Variants in ARAP2 observed in about 807,000 individuals in gnomAD.
The protein encoded by ARAP2 is arf-GAP with Rho-GAP domain, ANK repeat and PH domain-containing protein 2.
A neutral mutation model predicts 194.5 loss-of-function variants in ARAP2; 148 were observed. That is an observed-to-expected ratio of 0.76 (90% CI 0.67 to 0.87). ARAP2 has a LOEUF of 0.87. Among genes scored for constraint, ARAP2 ranks in the 40% least tolerant of loss-of-function variants. ARAP2 has a pLI of 0.00. For synonymous variants in ARAP2, 695 were observed against 683.5 expected, an observed-to-expected ratio of 1.02 and a Z score of -0.26; for missense variants, 2,128 against 1,989.7, an observed-to-expected ratio of 1.07 and a Z score of -1.32.
At chr4:36,201,581 T>C (rs974312690) in intron 6 of ARAP2, among the ~76,000 whole-genome samples, 2 of 152,202 alleles carry the variant, frequency 1.3e-5, no homozygotes, top group African/African-American at 2.4e-5. Flanking sequence ...CTATAAACTC[T>C]TCCCTTGAGC....
intron 27 of ARAP2, 76 bp from the exon 28 acceptor site, chr4:36,092,096 AT>A: frequency 3.6e-6 from 5 of 1,404,030 alleles, no homozygotes; most frequent in Non-Finnish European, 4.7e-6. Flanking sequence ...ACATTTCTAT[AT>A]TGTCATATAG....
At chr4:36,232,447 A>G (rs761141954) in intron 1 of ARAP2, among the ~76,000 whole-genome samples, 28 of 152,234 alleles carry the variant, frequency 1.8e-4, no homozygotes, top group Non-Finnish European at 3.4e-4. Flanking sequence ...AGCAGGTGCT[A>G]TTGATGTAAA....
At chr4:36,242,774 G>GA (rs1753765143) in intron 1 of ARAP2, among the ~76,000 whole-genome samples, 1 of 152,074 alleles carries the variant, frequency 6.6e-6, no homozygotes. Context: ...ACAGACGAAG[G>GA]AAAAAATACA....
rs1305965795 is a variant in ARAP2, at chr4:36,091,877, A to G, written c.4425+4T>C. The G allele has an allele frequency of 2.5e-6, 4 of 1,593,126 alleles. No individual in the cohort carries two copies. In the South Asian group the frequency reaches 4.5e-5, roughly 18 times the overall value. On this transcript the variant is annotated splice_donor_region_variant and intron_variant, in intron 28 of 32. Coordinates refer to ENST00000303965, the MANE Select transcript of ARAP2 (RefSeq NM_015230.4). ...AAAAATGTACGCATGTTCAAATACTATACCTTCACATCCTTGTAAAGAAAG... is the reference window on the plus strand; with the variant it reads ...AAAAATGTACGCATGTTCAAATACTGTACCTTCACATCCTTGTAAAGAAAG...
chr4:36,179,433 G>A (rs12501137), intron 8 of ARAP2, among the ~76,000 whole-genome samples: 4,963 of 152,288 alleles, frequency 0.033, 205 homozygotes, highest in East Asian at 0.12. Flanking sequence ...TTTCAGTGCC[G>A]TGGCATGCGC....
At chr4:36,099,748 A>G (rs982117746) in intron 27 of ARAP2, among the ~76,000 whole-genome samples, 1 of 152,136 alleles carries the variant, frequency 6.6e-6, no homozygotes, top group African/African-American at 2.4e-5. Context: ...GCTAGATCGC[A>G]GACAGTAATC....
chr4:36,116,778 C>T (rs750548614), intron 25 of ARAP2, among the ~76,000 whole-genome samples: 10 of 151,606 alleles, frequency 6.6e-5, no homozygotes, highest in African/African-American at 1.5e-4. Flanking sequence ...ACTTGTCTAA[C>T]GTTAGGAAGC....
chr4:36,084,502 C>A (rs754842812), intron 28 of ARAP2, among the ~76,000 whole-genome samples: 2 of 151,744 alleles, frequency 1.3e-5, no homozygotes, highest in Non-Finnish European at 2.9e-5. Context: ...AAAACAGACT[C>A]GTGAATATAT....
At chr4:36,193,747 T>C (rs1260874629) in intron 6 of ARAP2, 100 bp from the exon 7 acceptor site, 1 of 903,150 alleles carries the variant, frequency 1.1e-6, no homozygotes, top group Non-Finnish European at 1.6e-6. Context: ...TATTATTTAA[T>C]GTTAAACACC....
chr4:36,031,147 G>A (rs569671911), intron 5 of ARAP2, among the ~76,000 whole-genome samples: 41 of 152,072 alleles, frequency 2.7e-4, no homozygotes, highest in African/African-American at 9.6e-4. Flanking sequence ...ATAAATTTCT[G>A]ATTCATGGTG....
chr4:36,116,189 T>C (rs941746440), intron 25 of ARAP2, among the ~76,000 whole-genome samples: 1 of 151,986 alleles, frequency 6.6e-6, no homozygotes, highest in Non-Finnish European at 1.5e-5. Context: ...TACTAAGTAA[T>C]GTACTTAATG....
chr4:36,241,751 A>G (rs1024997903), intron 1 of ARAP2, among the ~76,000 whole-genome samples: 3 of 152,202 alleles, frequency 2.0e-5, no homozygotes, highest in Non-Finnish European at 4.4e-5. Context: ...GAAAAATCCA[A>G]TTTTATGACC....
At chr4:36,202,937 C>T (rs2109235423) in intron 6 of ARAP2, among the ~76,000 whole-genome samples, 1 of 152,272 alleles carries the variant, frequency 6.6e-6, no homozygotes, top group Middle Eastern at 3.4e-3. Flanking sequence ...GAGAAAAACA[C>T]ATTTACTCTT....
chr4:36,052,081 G>T (rs898335284), intron 2 of ARAP2: 3 of 152,112 alleles, frequency 2.0e-5, no homozygotes, highest in Admixed American at 2.0e-4. Context: ...TTAAATTAAT[G>T]AACTATGAAA....
intron 4 of ARAP2, 54 bp from the exon 5 acceptor site, chr4:36,212,541 G>A: frequency 7.4e-7 from 1 of 1,343,594 alleles, no homozygotes; most frequent in Non-Finnish European, 1.1e-6. Context: ...TTTTGGTTTG[G>A]GGATTTGTTT....
intron 8 of ARAP2, among the ~76,000 whole-genome samples, chr4:36,182,275 G>A (rs1009141776): frequency 5.3e-5 from 8 of 152,022 alleles, no homozygotes; most frequent in African/African-American, 1.2e-4. Flanking sequence ...GGCAAATCAC[G>A]AGGTCAGGAT....
rs930131328 is a variant in ARAP2, at chr4:36,066,242, T to C, written c.*1665A>G. 2 of 152,144 alleles carry C rather than the reference T, an allele frequency of 1.3e-5. No homozygotes were observed. The highest frequency in any genetic ancestry group is 4.8e-5 in the African/African-American group (2 of 41,446). 9.4% of individuals were successfully genotyped at this position (152,144 alleles called of 1,614,324 possible). On this transcript the variant is annotated 3_prime_UTR_variant, in exon 33 of 33. Transcript: ENST00000303965. ...CACATACCTCTTTATTTCATAAAAA[T>C]ATAAATATTTATTAGAAATAGTATG...
intron 31 of ARAP2, among the ~76,000 whole-genome samples, chr4:36,076,801 T>A (rs190974608): frequency 1.6e-3 from 249 of 152,226 alleles, no homozygotes; most frequent in Admixed American, 3.7e-3. Context: ...AGCATACATA[T>A]CTGTGTATCT....
At chr4:36,190,825 C>T (rs536520365) in intron 7 of ARAP2, among the ~76,000 whole-genome samples, 1 of 152,262 alleles carries the variant, frequency 6.6e-6, no homozygotes, top group African/African-American at 2.4e-5. Flanking sequence ...GCTCCAGTTT[C>T]CCATAGTGTA....
Sources: gnomAD v4.1 joint callset for allele counts (sites outside exome capture counted in the v4.1 genomes callset) on GRCh38, gnomAD v4.1.1 for gene constraint, MANE v1.5 for transcripts, NCBI Gene and HGNC (gene_info 2026-07-23, HGNC 2026-07-21) for gene names.